Variants in EIF4E3 observed in about 807,000 individuals in gnomAD.
EIF4E3 encodes eukaryotic translation initiation factor 4E type 3.
In EIF4E3, 26 loss-of-function variants were observed where a neutral mutation model predicts 31.7. The ratio of observed to expected loss-of-function variants is 0.82; its 90% confidence interval spans 0.60 to 1.14. EIF4E3 has a LOEUF of 1.14. Ranked by LOEUF, EIF4E3 falls within the 50% of genes most tolerant of loss-of-function variation. The pLI is 0.00. For synonymous variants in EIF4E3, 128 were observed against 107.7 expected, an observed-to-expected ratio of 1.19 and a Z score of -1.17; for missense variants, 304 against 270.9, an observed-to-expected ratio of 1.12 and a Z score of -0.86.
intron 6 of EIF4E3, among the ~76,000 whole-genome samples, chr3:71,686,552 G>GTA (rs1351536398): frequency 1.3e-5 from 2 of 151,190 alleles, no homozygotes; most frequent in Admixed American, 1.3e-4. Flanking sequence ...GAGTGTGTGT[G>GTA]TGTGTGTGTG....
chr3:71,702,480 T>G (rs2049231621), intron 2 of EIF4E3, among the ~76,000 whole-genome samples: 1 of 152,146 alleles, frequency 6.6e-6, no homozygotes, highest in East Asian at 1.9e-4. Context: ...AACAAAACAC[T>G]TCTTCCATTT....
the EIF4E3 span, among the ~76,000 whole-genome samples, chr3:71,667,501 C>G: frequency 1.1e-4 from 17 of 152,024 alleles, no homozygotes; most frequent in Non-Finnish European, 2.4e-4. Flanking sequence ...GTTAGAAAAC[C>G]CCCCATTGTC....
At chr3:71,727,087 T>C (rs2049648270), upstream of EIF4E3, among the ~76,000 whole-genome samples, 2 of 152,160 alleles carry the variant, frequency 1.3e-5, no homozygotes, top group Admixed American at 1.3e-4. Flanking sequence ...TGAACATAGG[T>C]ATTCAGACTC....
At chr3:71,709,672 C>T (rs11915602) in intron 2 of EIF4E3, among the ~76,000 whole-genome samples, 51,124 of 152,026 alleles carry the variant, frequency 0.34, 9,158 homozygotes, top group East Asian at 0.47. Context: ...TGAGCCACTA[C>T]GCCTGGCCAG....
intron 2 of EIF4E3, among the ~76,000 whole-genome samples, chr3:71,702,977 T>C (rs2049239010): frequency 1.3e-5 from 2 of 152,368 alleles, no homozygotes; most frequent in South Asian, 2.1e-4. Context: ...AATTTTACTA[T>C]ATATAAAATC....
rs761089575 is a variant in EIF4E3, at chr3:71,679,542, T to C, written c.*5140A>G. The C allele has an allele frequency of 1.3e-5, 2 of 152,178 alleles. No individual in the cohort carries two copies. The highest frequency in any genetic ancestry group is 2.4e-5 in the African/African-American group (1 of 41,442). The allele number at this position is 152,178 out of a possible 1,614,324, so 9.4% of individuals were successfully genotyped here. A position where few individuals can be genotyped will look rare whatever the true frequency, so the allele number is the denominator to read the frequency against. Reference sequence around the variant, plus strand: ...AAAAGCATAGAATATCCAAAAGCTATTGTATTGGATATTCTAATAAGGTAC... The same window carrying C: ...AAAAGCATAGAATATCCAAAAGCTACTGTATTGGATATTCTAATAAGGTAC... On this transcript the variant is annotated 3_prime_UTR_variant, in exon 7 of 7. Transcript: ENST00000425534.
chr3:71,732,550 C>G (rs4677042), intron 1 of EIF4E3, among the ~76,000 whole-genome samples: 19,465 of 152,236 alleles, frequency 0.13, 1,532 homozygotes, highest in South Asian at 0.35. Context: ...GTTAGGCACA[C>G]AGATTATTAC....
intron 5 of EIF4E3, among the ~76,000 whole-genome samples, chr3:71,690,557 T>C (rs889315764): frequency 2.6e-5 from 4 of 152,232 alleles, no homozygotes; most frequent in Non-Finnish European, 4.4e-5. Flanking sequence ...GAACTTTTCC[T>C]TGATGCCTTG....
At chr3:71,754,265 C>G (rs761012000), upstream of EIF4E3, 5 of 1,229,346 alleles carry the variant, frequency 4.1e-6, no homozygotes, top group Non-Finnish European at 5.1e-6. This position sits in a 1 kb window ranked among gnomAD's most constrained non-coding sequence, Gnocchi z 5.8. Context: ...TCGCCTGCCT[C>G]CCGGCCGTCA....
chr3:71,695,589 T>G (rs984544585), intron 4 of EIF4E3, among the ~76,000 whole-genome samples: 1 of 152,190 alleles, frequency 6.6e-6, no homozygotes, highest in Non-Finnish European at 1.5e-5. Flanking sequence ...CAAATAACAG[T>G]AAAATGTTGG....
intron 1 of EIF4E3, among the ~76,000 whole-genome samples, chr3:71,739,607 G>A (rs1336692571): frequency 1.3e-5 from 2 of 152,112 alleles, no homozygotes; most frequent in African/African-American, 4.8e-5. Flanking sequence ...TGAGGTGGAA[G>A]GATCACCTGA....
At chr3:71,692,653 T>C (rs1262010097) in intron 5 of EIF4E3, among the ~76,000 whole-genome samples, 2 of 150,966 alleles carry the variant, frequency 1.3e-5, no homozygotes, top group Non-Finnish European at 2.9e-5. Context: ...TGCAGTACAA[T>C]AGCGATCATA....
chr3:71,752,483 T>C (rs2049940163), intron 1 of EIF4E3, among the ~76,000 whole-genome samples: 1 of 152,060 alleles, frequency 6.6e-6, no homozygotes, highest in Non-Finnish European at 1.5e-5. Flanking sequence ...TCTTGCACTA[T>C]CCTGAAAATG....
intron 6 of EIF4E3, among the ~76,000 whole-genome samples, chr3:71,686,451 C>T (rs373551794): frequency 2.0e-5 from 3 of 152,164 alleles, no homozygotes; most frequent in South Asian, 2.1e-4. Flanking sequence ...CAGGTCACCT[C>T]AGGTTGGCCA....
chr3:71,663,650 T>G, the EIF4E3 span, among the ~76,000 whole-genome samples: 2 of 152,324 alleles, frequency 1.3e-5, no homozygotes, highest in South Asian at 4.1e-4. Context: ...AGAGTGAAGC[T>G]TCTTCATCCA....
chr3:71,748,712 C>T (rs188884344), intron 1 of EIF4E3, among the ~76,000 whole-genome samples: 2 of 152,268 alleles, frequency 1.3e-5, no homozygotes. Flanking sequence ...ACCCCACACA[C>T]ATGCGCGCAC....
chr3:71,730,949 C>T (rs912900053), intron 1 of EIF4E3, among the ~76,000 whole-genome samples: 17 of 152,108 alleles, frequency 1.1e-4, no homozygotes, highest in African/African-American at 3.6e-4. Context: ...GTCTTGAACT[C>T]CTGGCCTCAA....
rs747788956 is a variant in EIF4E3 at position 71,720,757 on chromosome 3, G to C, written c.176+4435C>G. Among the ~76,000 whole-genome samples the C allele has an allele frequency of 1.2e-3, 186 of 152,148 alleles. 6 individuals carry two copies. The highest frequency in any genetic ancestry group is 5.3e-4 in the Non-Finnish European group (36 of 68,018). On this transcript the variant is annotated intron_variant, in intron 1 of 6. Transcript: ENST00000425534. ...TCCAGGTGGGGGATGCCTGGAAAGG[G>C]GCAGAGCTTGGGAGCAGGCAGGAAG... is the stretch of plus-strand genomic sequence containing the variant.
upstream of EIF4E3, among the ~76,000 whole-genome samples, chr3:71,726,098 G>C (rs2049635071): frequency 6.6e-6 from 1 of 152,170 alleles, no homozygotes; most frequent in Non-Finnish European, 1.5e-5. Flanking sequence ...CTCTTGGTGA[G>C]AGCATACTTC....
Sources: allele counts gnomAD v4.1 joint callset (sites outside exome capture counted in the v4.1 genomes callset), GRCh38; gene constraint gnomAD v4.1.1; non-coding constraint Gnocchi (gnomAD v3.1); transcripts MANE v1.5; gene names NCBI Gene and HGNC (gene_info 2026-07-23, HGNC 2026-07-21).